COX4I2: variants seen among roughly 807,000 people sequenced by gnomAD.
COX4I2 encodes the protein cytochrome c oxidase subunit 4I2.
In COX4I2, 15 loss-of-function variants were observed where a neutral mutation model predicts 20.8. That is an observed-to-expected ratio of 0.72 (90% CI 0.48 to 1.11). The LOEUF is 1.11. Ranked by LOEUF, COX4I2 falls within the 50% of genes most tolerant of loss-of-function variation. COX4I2 has a pLI of 0.00. For missense variants in COX4I2, 224 were observed against 223.0 expected, an observed-to-expected ratio of 1.00 and a Z score of -0.03; for synonymous variants, 80 against 78.1, an observed-to-expected ratio of 1.02 and a Z score of -0.13.
In COX4I2 at chr20:31,639,953, TC is replaced by T; in HGVS notation, c.108del (p.Tyr37ThrfsTer28). 6.2e-7 allele frequency: 1 copy of T among 1,613,804 alleles called. No homozygotes were observed. The highest frequency in any genetic ancestry group is 1.1e-5 in the South Asian group (1 of 91,080). ...TGCAGCCCGTGGTGGGGGGAAGATG[TC>T]CCCCTACACCAACTGCTATGCCCAG... ...EGTTRGGGKM[S>X]PYTNCYAQRY... is the part of the protein sequence containing the mutation. On this transcript the variant is annotated frameshift_variant, in exon 3 of 5. Transcript: ENST00000376075. LOFTEE classifies it high-confidence loss of function.
chr20:31,639,924 T>C lies in COX4I2; in HGVS notation c.83-9T>C, dbSNP rs1356145860. ...AGCCTGGACTCAGCTCCCTCCATTG[T>C]GTCTGCAGCCCGTGGTGGGGGGAAG... is the stretch of plus-strand genomic sequence containing the variant. On this transcript the variant is annotated splice_polypyrimidine_tract_variant and intron_variant, in intron 2 of 4. Transcript: ENST00000376075. 2 of 1,612,450 alleles carry C rather than the reference T, an allele frequency of 1.2e-6. No homozygotes were observed. The highest frequency in any genetic ancestry group is 2.7e-5 in the African/African-American group (2 of 74,774).
Position 31,643,503 on chromosome 20 carries a change from C to A in COX4I2, c.347C>A (p.Ala116Glu), listed in dbSNP as rs1568834164. The A allele has an allele frequency of 6.2e-7, 1 of 1,614,176 alleles. No individual in the cohort carries two copies. The highest frequency in any genetic ancestry group is 8.5e-7 in the Non-Finnish European group (1 of 1,180,024). Residue 116 changes from alanine to glutamate, a missense_variant, in exon 4 of 5, where the codon GCA (alanine) becomes GAA (glutamate). Transcript: ENST00000376075. ...MGCVFFFIGF[A>E]ALVIWWQRVY... Reference sequence around the variant, plus strand: ...TGTGTCTTCTTCTTCATTGGATTCGCAGCTCTGGTGATTTGGTGGCAGCGG... The same window carrying A: ...TGTGTCTTCTTCTTCATTGGATTCGAAGCTCTGGTGATTTGGTGGCAGCGG...
Position 31,644,912 on chromosome 20 carries a change from C to T in COX4I2, c.*8C>T. On this transcript the variant is annotated 3_prime_UTR_variant, in exon 5 of 5. Transcript: ENST00000376075. The stretch of plus-strand genomic sequence containing the variant: ...AAGCAGTGGAAGAAGTGACTTGCAT[C>T]CCCAGCTGTCTCCCTGAGGCTCCGC... 6.2e-7 allele frequency: 1 copy of T among 1,613,074 alleles called. No homozygotes were observed. The highest frequency in any genetic ancestry group is 8.5e-7 in the Non-Finnish European group (1 of 1,179,580).
intron 3 of COX4I2, among the ~76,000 whole-genome samples, chr20:31,640,308 G>A (rs1395137455): frequency 1.3e-5 from 2 of 152,176 alleles, no homozygotes; most frequent in Non-Finnish European, 2.9e-5. Flanking sequence ...GGGGACATGA[G>A]GTGAATCACC....
At chr20:31,642,195 C>T (rs908764187) in intron 3 of COX4I2, among the ~76,000 whole-genome samples, 7 of 152,016 alleles carry the variant, frequency 4.6e-5, no homozygotes, top group African/African-American at 7.2e-5. Flanking sequence ...GGCAGGCAGG[C>T]GTGGCAGCAC....
chr20:31,639,558 C>CTTTTTTTT (rs770616004), intron 2 of COX4I2, among the ~76,000 whole-genome samples: 14,865 of 132,264 alleles, frequency 0.11, 1,061 homozygotes, highest in Non-Finnish European at 0.14. Context: ...TATAAACCTC[C>CTTTTTTTT]TTTTTTTTTT....
In COX4I2 at chr20:31,644,880, T is replaced by C; in HGVS notation, c.492T>C (p.Tyr164=). The change falls in exon 5 of 5, where the codon TAT becomes TAC. Residue 164 remains tyrosine, a synonymous_variant. Transcript: ENST00000376075. The part of the protein sequence containing the change: ...PVQGLASRWD[Y]EKKQWKK ...AGGGCCTGGCCTCCCGCTGGGACTA[T>C]GAGAAGAAGCAGTGGAAGAAGTGAC... The C allele has an allele frequency of 6.2e-7, 1 of 1,614,000 alleles. No individual in the cohort carries two copies. The highest frequency in any genetic ancestry group is 1.1e-5 in the South Asian group (1 of 91,068).
At position 31,641,379 on chromosome 20, in the gene COX4I2, A is replaced by AG. The variant is rs1376680848; in HGVS notation, c.247+1282_247+1283insG. 2.3e-3 allele frequency among the ~76,000 whole-genome samples: 353 copies of AG among 151,322 alleles called. 2 individuals carry two copies. Among genetic ancestry groups the AG allele is most frequent in the African/African-American group, 7.9e-3 (326 of 41,214 alleles). ...ACCCTGTCTGAAAAAAAAAAAAAAAAAGAGAGAGAGAGAAAGAAATGATGG... is the reference window on the plus strand; with the variant it reads ...ACCCTGTCTGAAAAAAAAAAAAAAAAGAGAGAGAGAGAGAAAGAAATGATGG... On this transcript the variant is annotated intron_variant, in intron 3 of 4. Transcript: ENST00000376075.
intron 3 of COX4I2, among the ~76,000 whole-genome samples, chr20:31,642,431 A>ATTTT (rs57483570): frequency 1.1e-4 from 10 of 88,842 alleles, no homozygotes; most frequent in African/African-American, 1.1e-4. Context: ...ACGTAGGGTA[A>ATTTT]TTTTTTTTTT....
At chr20:31,642,184 G>T (rs1481512670) in intron 3 of COX4I2, among the ~76,000 whole-genome samples, 2 of 151,986 alleles carry the variant, frequency 1.3e-5, no homozygotes, top group Non-Finnish European at 2.9e-5. Context: ...ACCTCTTCCA[G>T]GGCAGGCAGG....
At position 31,639,976 on chromosome 20, in the gene COX4I2, C is replaced by T. The variant is rs1568832350; in HGVS notation, c.126C>T (p.Ala42=). Residue 42 remains alanine, a synonymous_variant, in exon 3 of 5, where the codon GCC becomes GCT. Coordinates refer to ENST00000376075, the MANE Select transcript of COX4I2 (RefSeq NM_032609.3). ...TGTCCCCCTACACCAACTGCTATGC[C>T]CAGCGCTACTACCCCATGCCAGAAG... ...GKMSPYTNCY[A]QRYYPMPEEP... is the part of the protein sequence containing the mutation. The T allele has an allele frequency of 3.1e-6, 5 of 1,613,982 alleles. No individual in the cohort carries two copies. Among genetic ancestry groups the T allele is most frequent in the Non-Finnish European group, 4.2e-6 (5 of 1,180,042 alleles).
At position 31,643,526 on chromosome 20, in the gene COX4I2, C is replaced by T. The variant is rs572297198; in HGVS notation, c.370C>T (p.Arg124Trp). The change falls in exon 4 of 5, where the codon CGG (arginine) becomes TGG (tryptophan). Residue 124 changes from arginine to tryptophan, a missense_variant. Arg to Trp is a moderately radical substitution (Grantham distance 101). Coordinates refer to ENST00000376075, the MANE Select transcript of COX4I2 (RefSeq NM_032609.3). Reference sequence around the variant, plus strand: ...CGCAGCTCTGGTGATTTGGTGGCAGCGGGTCTACGGTGAGTGGCAACACCT... The same window carrying T: ...CGCAGCTCTGGTGATTTGGTGGCAGTGGGTCTACGGTGAGTGGCAACACCT... ...GFAALVIWWQ[R>W]VYVFPPKPIT... is the part of the protein sequence containing the mutation. 25 of 1,614,080 alleles carry T rather than the reference C, an allele frequency of 1.5e-5. No individual in the cohort carries two copies. The highest frequency in any genetic ancestry group is 1.6e-4 in the Middle Eastern group (1 of 6,062).
In COX4I2 at chr20:31,641,880, A is replaced by G. The variant is rs1193822398; in HGVS notation, c.248-1524A>G. ...CACACCTGGCTATTTTTTTTTTTGT[A>G]TTTTTTTTGTAGAGACAGGGTTTCA... On this transcript the variant is annotated intron_variant, in intron 3 of 4. Coordinates refer to ENST00000376075, the MANE Select transcript of COX4I2 (RefSeq NM_032609.3). 1.1e-4 allele frequency among the ~76,000 whole-genome samples: 16 copies of G among 143,970 alleles called. No individual in the cohort carries two copies. The East Asian group carries it at 3.3e-3, about 30-fold the overall frequency. The allele number at this position is 143,970 out of a possible 152,430, so 94.4% of individuals were successfully genotyped here.
chr20:31,644,375 G>T (rs913581322), intron 4 of COX4I2, among the ~76,000 whole-genome samples: 12 of 152,210 alleles, frequency 7.9e-5, no homozygotes, highest in African/African-American at 2.2e-4. Context: ...TCAGAGAGAT[G>T]AAGTGACTTG....
chr20:31,644,874 G>T lies in COX4I2; in HGVS notation c.486G>T (p.Trp162Cys). Residue 162 changes from tryptophan (W) to cysteine (C), a missense_variant, in exon 5 of 5, where the codon TGG (tryptophan) becomes TGT (cysteine). Physicochemically the swap from Trp to Cys is radical, Grantham distance 215. Coordinates refer to ENST00000376075, the MANE Select transcript of COX4I2 (RefSeq NM_032609.3). ...CTGTGCAGGGCCTGGCCTCCCGCTG[G>T]GACTATGAGAAGAAGCAGTGGAAGA... Reference protein sequence around the residue: ...VNPVQGLASRWDYEKKQWKK With the variant: ...VNPVQGLASRCDYEKKQWKK 4 of 1,614,022 alleles carry T rather than the reference G, an allele frequency of 2.5e-6. No homozygotes were observed. Among genetic ancestry groups the T allele is most frequent in the Non-Finnish European group, 3.4e-6 (4 of 1,179,988 alleles).
At chr20:31,641,803 C>T (rs1319020875) in intron 3 of COX4I2, among the ~76,000 whole-genome samples, 2 of 151,952 alleles carry the variant, frequency 1.3e-5, no homozygotes, top group African/African-American at 4.8e-5. Context: ...TGGGCTCAAG[C>T]GATCCTCCCA....
chr20:31,644,642 C>G, intron 4 of COX4I2, 126 bp from the exon 5 acceptor site: 1 of 1,128,378 alleles, frequency 8.9e-7, no homozygotes, highest in South Asian at 1.3e-5. Flanking sequence ...GTGCAAGATA[C>G]TTCAACCCTG....
At chr20:31,643,600 C>G (rs1329126514) in intron 4 of COX4I2, 65 bp downstream of exon 4, 7 of 1,599,446 alleles carry the variant, frequency 4.4e-6, no homozygotes, top group Non-Finnish European at 2.6e-6. Flanking sequence ...GGCCACCAGA[C>G]AGTTTCTTAA....
intron 4 of COX4I2, 88 bp from the exon 5 acceptor site, chr20:31,644,680 G>A (rs1470766200): frequency 6.7e-6 from 10 of 1,500,108 alleles, no homozygotes; most frequent in African/African-American, 1.4e-5. Flanking sequence ...AGCCTTGCGA[G>A]TGGCTGGGAG....
Sources: gnomAD v4.1 joint callset for allele counts (sites outside exome capture counted in the v4.1 genomes callset) on GRCh38, gnomAD v4.1.1 for gene constraint, MANE v1.5 for transcripts, NCBI Gene and HGNC (gene_info 2026-07-23, HGNC 2026-07-21) for gene names.